The following WDR70 variants were observed in gnomAD, a reference collection of about 807,000 sequenced individuals.
WDR70 encodes WD repeat-containing protein 70.
WDR70 carries 53 observed loss-of-function variants against 88.6 expected under a neutral mutation model. The ratio of observed to expected loss-of-function variants is 0.60; its 90% confidence interval spans 0.48 to 0.75. The LOEUF (loss-of-function observed/expected upper bound fraction) is 0.75. WDR70 is among the 30% of genes least tolerant of loss of function. The probability of loss-of-function intolerance (pLI) is 0.00; values close to 1 mark genes in which losing one functional copy is unlikely to be tolerated. For synonymous variants in WDR70, 280 were observed against 270.0 expected, an observed-to-expected ratio of 1.04 and a Z score of -0.36; for missense variants, 610 against 823.2, an observed-to-expected ratio of 0.74 and a Z score of 3.17.
chr5:37,706,506 A>T (rs1474999994), intron 13 of WDR70, among the ~76,000 whole-genome samples: 2 of 152,152 alleles, frequency 1.3e-5, no homozygotes, highest in Admixed American at 6.5e-5. Flanking sequence ...AATACGTCTC[A>T]TGAGATCTGA....
intron 12 of WDR70, 31 bp from the exon 13 acceptor site, chr5:37,702,918 G>A (rs763197969): frequency 6.3e-7 from 1 of 1,591,412 alleles, no homozygotes; most frequent in African/African-American, 1.3e-5. Flanking sequence ...GAGGTCATAA[G>A]CTTATACTCG....
At chr5:37,405,352 A>C (rs894657400) in intron 5 of WDR70, among the ~76,000 whole-genome samples, 7 of 151,160 alleles carry the variant, frequency 4.6e-5, no homozygotes, top group Admixed American at 2.6e-4. Flanking sequence ...TTTGCCTTAT[A>C]CTTTTTTTTT....
chr5:37,430,890 A>G (rs1030397211), intron 5 of WDR70, among the ~76,000 whole-genome samples: 11 of 150,262 alleles, frequency 7.3e-5, no homozygotes, highest in Admixed American at 1.3e-4. Context: ...TTTTCCTTCT[A>G]TCGTCCAGGT....
chr5:37,708,859 A>G (rs1195616988), intron 13 of WDR70, among the ~76,000 whole-genome samples: 5 of 152,220 alleles, frequency 3.3e-5, no homozygotes, highest in Admixed American at 3.3e-4. Context: ...TTCACTTCAA[A>G]CAAATTAATG....
intron 12 of WDR70, among the ~76,000 whole-genome samples, chr5:37,701,632 T>C (rs932537611): frequency 3.3e-5 from 5 of 151,852 alleles, no homozygotes; most frequent in Non-Finnish European, 7.4e-5. Flanking sequence ...CTACTAAAAA[T>C]ACAAAAAATT....
At chr5:37,439,139 C>G (rs761113398) in intron 6 of WDR70, among the ~76,000 whole-genome samples, 26 of 151,930 alleles carry the variant, frequency 1.7e-4, no homozygotes, top group African/African-American at 3.9e-4. Flanking sequence ...AGGATGGTCT[C>G]GATCTGCTGA....
chr5:37,645,699 A>C (rs1745214105), intron 10 of WDR70, among the ~76,000 whole-genome samples: 2 of 152,104 alleles, frequency 1.3e-5, no homozygotes, highest in South Asian at 4.1e-4. Context: ...CTCCTGCTGA[A>C]TTGACCCCTT....
intron 10 of WDR70, among the ~76,000 whole-genome samples, chr5:37,616,316 C>G (rs1430051319): frequency 6.6e-6 from 1 of 152,088 alleles, no homozygotes; most frequent in African/African-American, 2.4e-5. Context: ...CCATGTTGGC[C>G]AGGCTGGTCT....
intron 10 of WDR70, among the ~76,000 whole-genome samples, chr5:37,618,396 A>G (rs1039924270): frequency 1.3e-5 from 2 of 152,232 alleles, no homozygotes; most frequent in African/African-American, 4.8e-5. Flanking sequence ...TGAGACAGAG[A>G]CCTGCTCAGT....
At position 37,473,038 on chromosome 5, in the gene WDR70, A is replaced by G. The variant is rs1205007353; in HGVS notation, c.687-6796A>G. Among the ~76,000 whole-genome samples the G allele has an allele frequency of 7.2e-5, 11 of 152,014 alleles. No homozygotes were observed. The East Asian group carries it at 2.1e-3, about 29-fold the overall frequency. On this transcript the variant is annotated intron_variant, in intron 7 of 17. Transcript: ENST00000265107. ...TTCTAATTGCTCCACATTCTTGACCATATTTGATATGGTCAGTATCTTTGA... is the reference window on the plus strand; with the variant it reads ...TTCTAATTGCTCCACATTCTTGACCGTATTTGATATGGTCAGTATCTTTGA...
intron 9 of WDR70, among the ~76,000 whole-genome samples, chr5:37,600,626 T>C (rs142223783): frequency 1.3e-5 from 2 of 151,628 alleles, no homozygotes; most frequent in African/African-American, 4.8e-5. Flanking sequence ...TAAAGAAAGA[T>C]ATGCAAATGC....
chr5:37,497,843 A>G (rs1185976346), intron 8 of WDR70, among the ~76,000 whole-genome samples: 1 of 151,796 alleles, frequency 6.6e-6, no homozygotes, highest in Non-Finnish European at 1.5e-5. Flanking sequence ...TTTTTTTAAG[A>G]CAGAGTCTCA....
chr5:37,535,820 GATT>G (rs1741649290), intron 9 of WDR70, among the ~76,000 whole-genome samples: 1 of 152,150 alleles, frequency 6.6e-6, no homozygotes, highest in Non-Finnish European at 1.5e-5. Context: ...TGAAGAAACT[GATT>G]ATATTTTTCC....
intron 7 of WDR70, among the ~76,000 whole-genome samples, chr5:37,462,033 C>G (rs1458063037): frequency 6.6e-6 from 1 of 152,110 alleles, no homozygotes; most frequent in Admixed American, 6.5e-5. Context: ...TCTTTTCCTA[C>G]TAGAAATTTC....
intron 10 of WDR70, among the ~76,000 whole-genome samples, chr5:37,681,879 C>T (rs959839327): frequency 6.6e-6 from 1 of 152,016 alleles, no homozygotes; most frequent in Non-Finnish European, 1.5e-5. Flanking sequence ...GGATATTGGC[C>T]TGAAGTTTTC....
intron 9 of WDR70, among the ~76,000 whole-genome samples, chr5:37,595,484 A>G (rs954017118): frequency 1.3e-5 from 2 of 152,164 alleles, no homozygotes; most frequent in African/African-American, 4.8e-5. Context: ...GTGGATCAGA[A>G]GAGTCAATAG....
intron 10 of WDR70, among the ~76,000 whole-genome samples, chr5:37,680,024 G>A (rs115319408): frequency 0.028 from 4,310 of 152,232 alleles, 218 homozygotes; most frequent in African/African-American, 0.1. Context: ...CAATGTAAAA[G>A]CATTTCTTTT....
intron 10 of WDR70, among the ~76,000 whole-genome samples, chr5:37,634,560 G>T (rs375644699): frequency 6.6e-6 from 1 of 152,142 alleles, no homozygotes; most frequent in East Asian, 1.9e-4. Context: ...AAATGACTTT[G>T]TTCTATAAGG....
chr5:37,513,513 T>C lies in WDR70; in HGVS notation c.841-3001T>C, dbSNP rs190673438. Among the ~76,000 whole-genome samples, 3 of 152,272 alleles carry C rather than the reference T, an allele frequency of 2.0e-5. No individual in the cohort carries two copies. In the East Asian group the frequency reaches 5.8e-4, roughly 29 times the overall value. On this transcript the variant is annotated intron_variant, in intron 8 of 17. Transcript: ENST00000265107. ...ACATGGAGCCAGAAAATAAAATTCG[T>C]TGTGGACTGTGTATATTAGGGTTCC...
Sources: gnomAD v4.1 joint callset for allele counts (sites outside exome capture counted in the v4.1 genomes callset) on GRCh38, gnomAD v4.1.1 for gene constraint, MANE v1.5 for transcripts, NCBI Gene and HGNC (gene_info 2026-07-23, HGNC 2026-07-21) for gene names.